The following BCL2L12 variants were observed in gnomAD, a reference collection of about 807,000 sequenced individuals.
BCL2L12 encodes the protein BCL2 like 12, also known as bcl-2-like protein 12.
A neutral mutation model predicts 25.7 loss-of-function variants in BCL2L12; 27 were observed. The observed-to-expected ratio is 1.05, with a 90% CI of 0.78 to 1.45. The LOEUF is 1.45. Ranked by LOEUF, BCL2L12 falls within the 40% of genes most tolerant of loss-of-function variation. The pLI, the probability that BCL2L12 is intolerant of heterozygous loss-of-function variation, is 0.00. For synonymous variants in BCL2L12, 132 were observed against 145.6 expected (o/e 0.91, Z 0.67); for missense variants, 302 against 329.8 (o/e 0.92, Z 0.65).
chr19:49,672,016 T>C lies in BCL2L12; in HGVS notation c.702+1528T>C, dbSNP rs1215227903. ...GACTTGTTTTACTTGTCTTCTGGTT[T>C]ATTTTTCTTTGTTGGTGTCTCCCAC... On this transcript the variant is annotated intron_variant, in intron 6 of 6. Coordinates refer to ENST00000246784, the MANE Select transcript of BCL2L12 (RefSeq NM_138639.2). This position sits in a 1 kb window ranked among gnomAD's most constrained non-coding sequence, Gnocchi z 4.1. 1 of 152,388 alleles carries C rather than the reference T, an allele frequency of 6.6e-6. No homozygotes were observed. The highest frequency in any genetic ancestry group is 2.4e-5 in the African/African-American group (1 of 41,466). The allele number at this position is 152,388 out of a possible 1,614,324, so 9.4% of individuals were successfully genotyped here.
Position 49,670,402 on chromosome 19 carries a change from G to T in BCL2L12, c.616G>T (p.Val206Leu). ...CCTAGCCATGGAGCTGAGCCGGCGCGTGGCCGGGCTGGGGGGCACCCTGGC... is the reference window on the plus strand; with the variant it reads ...CCTAGCCATGGAGCTGAGCCGGCGCTTGGCCGGGCTGGGGGGCACCCTGGC... ...LALAMELSRR[V>L]AGLGGTLAGL... The change falls in exon 6 of 7, where the codon GTG becomes TTG. Residue 206 changes from valine to leucine, a missense_variant. By Grantham distance (32) the Val-to-Leu change is conservative. Coordinates refer to ENST00000246784, the MANE Select transcript of BCL2L12 (RefSeq NM_138639.2). 6.5e-7 allele frequency: 1 copy of T among 1,549,736 alleles called. No homozygotes were observed.
rs370877632 is a variant in BCL2L12, at chr19:49,672,366, G to A, written c.703-1332G>A. 1.3e-3 allele frequency among the ~76,000 whole-genome samples: 202 copies of A among 152,318 alleles called. 5 individuals carry two copies. In the South Asian group the frequency reaches 0.038, roughly 29 times the overall value. ...CCAGTAGGGCTACAGTAGGGTGAGC[G>A]GGCGACAGATGAGAGGAGGAGAGGC... On this transcript the variant is annotated intron_variant, in intron 6 of 6. Coordinates refer to ENST00000246784, the MANE Select transcript of BCL2L12 (RefSeq NM_138639.2). The surrounding 1 kb of genome is among the most constrained non-coding windows in gnomAD (Gnocchi z 4.1).
upstream of BCL2L12, chr19:49,665,786 C>T: frequency 6.4e-7 from 1 of 1,560,700 alleles, no homozygotes; most frequent in East Asian, 2.3e-5. Flanking sequence ...GAAATAAAAC[C>T]AACTTTATCA....
At chr19:49,665,682 G>C (rs1039602141), upstream of BCL2L12, 8 of 1,182,948 alleles carry the variant, frequency 6.8e-6, no homozygotes, top group South Asian at 1.5e-5. Context: ...CCCTGTCTTG[G>C]AGCTCCGGGT....
chr19:49,666,985 T>C, intron 2 of BCL2L12, 34 bp from the exon 3 acceptor site: 1 of 1,606,794 alleles, frequency 6.2e-7, no homozygotes, highest in Non-Finnish European at 8.5e-7. Flanking sequence ...AGGGGATCTC[T>C]GGTGGGGTCA....
intron 6 of BCL2L12, among the ~76,000 whole-genome samples, chr19:49,671,861 C>A (rs1477071140): frequency 6.6e-6 from 1 of 152,198 alleles, no homozygotes; most frequent in Non-Finnish European, 1.5e-5. Flanking sequence ...GGTTTCACCC[C>A]CAACGAGGCC....
At position 49,666,991 on chromosome 19, in the gene BCL2L12, GGTCA is replaced by G. The variant is rs1400941365; in HGVS notation, c.108-24_108-21del. 1.9e-6 allele frequency: 3 copies of G among 1,609,196 alleles called. No individual in the cohort carries two copies. In the African/African-American group the frequency reaches 4.0e-5, roughly 22 times the overall value. On this transcript the variant is annotated intron_variant, in intron 2 of 6. Transcript: ENST00000246784. ...ACTGCTTGCAGGGGATCTCTGGTGG[GGTCA>G]GTCTCTGAAGTCCTCCTCTCCAGAA...
At chr19:49,671,809 G>A (rs945374746) in intron 6 of BCL2L12, among the ~76,000 whole-genome samples, 2 of 152,068 alleles carry the variant, frequency 1.3e-5, no homozygotes, top group Non-Finnish European at 2.9e-5. Context: ...ATGCCCTCCC[G>A]GGGAACCCCC....
At chr19:49,670,684 G>C (rs1316912525) in intron 6 of BCL2L12, among the ~76,000 whole-genome samples, 196 bp downstream of exon 6, 1 of 152,204 alleles carries the variant, frequency 6.6e-6, no homozygotes, top group African/African-American at 2.4e-5. Flanking sequence ...TCAACGACTG[G>C]GTACGCTAAT....
intron 2 of BCL2L12, 48 bp downstream of exon 2, chr19:49,666,847 C>T: frequency 6.5e-7 from 1 of 1,528,996 alleles, no homozygotes; most frequent in Non-Finnish European, 8.9e-7. Flanking sequence ...TTGAGGCTCC[C>T]TCCTAACTCT....
intron 3 of BCL2L12, among the ~76,000 whole-genome samples, chr19:49,668,400 C>T (rs1255284631): frequency 6.6e-6 from 1 of 152,076 alleles, no homozygotes; most frequent in Non-Finnish European, 1.5e-5. Flanking sequence ...CGCCTGGCCC[C>T]AGCTCTGACA....
At position 49,671,527 on chromosome 19, in the gene BCL2L12, C is replaced by T. The variant is rs117508307; in HGVS notation, c.702+1039C>T. 1.0e-3 allele frequency among the ~76,000 whole-genome samples: 157 copies of T among 152,202 alleles called. 5 individuals carry two copies. In the East Asian group the frequency reaches 0.03, roughly 29 times the overall value. On this transcript the variant is annotated intron_variant, in intron 6 of 6. Coordinates refer to ENST00000246784, the MANE Select transcript of BCL2L12 (RefSeq NM_138639.2). Reference sequence around the variant, plus strand: ...GCTCACACGTTTACTCCCAGCTACTCAGGAGGCAGAGGAGCCGGGAGGATC... The same window carrying T: ...GCTCACACGTTTACTCCCAGCTACTTAGGAGGCAGAGGAGCCGGGAGGATC...
At position 49,667,056 on chromosome 19, in the gene BCL2L12, C is replaced by T. The variant is rs147519290; in HGVS notation, c.145C>T (p.Arg49Cys). 2.6e-4 allele frequency: 415 copies of T among 1,613,622 alleles called. No individual in the cohort carries two copies. The African/African-American group carries it at 4.1e-3, about 16-fold the overall frequency. The change falls in exon 3 of 7, where the codon CGC becomes TGC. Residue 49 changes from arginine (R) to cysteine (C), a missense_variant. By Grantham distance (180) the Arg-to-Cys change is radical. Coordinates refer to ENST00000246784, the MANE Select transcript of BCL2L12 (RefSeq NM_138639.2). ...AQEEPTDFLS[R>C]LRRCLPCSLG... Reference sequence around the variant, plus strand: ...AGAAGAGCCAACAGACTTCCTGAGCCGCCTTCGAAGATGTCTTCCCTGCTC... The same window carrying T: ...AGAAGAGCCAACAGACTTCCTGAGCTGCCTTCGAAGATGTCTTCCCTGCTC...
chr19:49,668,335 G>C (rs1461659069), intron 3 of BCL2L12, among the ~76,000 whole-genome samples: 17 of 151,894 alleles, frequency 1.1e-4, no homozygotes, highest in Admixed American at 9.2e-4. Flanking sequence ...CCAACCTCAG[G>C]TGATCTGCCT....
chr19:49,666,601 C>T, intron 1 of BCL2L12, 84 bp from the exon 2 acceptor site: 1 of 1,062,830 alleles, frequency 9.4e-7, no homozygotes, highest in Non-Finnish European at 1.4e-6. Flanking sequence ...TCAGCACCTT[C>T]CTTGGGACTC....
At chr19:49,665,695 C>A, upstream of BCL2L12, 1 of 1,286,992 alleles carries the variant, frequency 7.8e-7, no homozygotes, top group Non-Finnish European at 1.1e-6. Flanking sequence ...CTCCGGGTAG[C>A]TCTCAAACTC....
intron 5 of BCL2L12, among the ~76,000 whole-genome samples, chr19:49,669,525 G>C (rs1371734920): frequency 6.7e-6 from 1 of 148,714 alleles, no homozygotes; most frequent in African/African-American, 2.5e-5. Flanking sequence ...GACAGAGTGA[G>C]ACTCTGTCTT....
intron 5 of BCL2L12, among the ~76,000 whole-genome samples, chr19:49,669,465 G>A (rs1231806331): frequency 4.0e-5 from 6 of 151,816 alleles, no homozygotes; most frequent in Admixed American, 1.3e-4. Context: ...GAGCCCAGGA[G>A]GTGGAGGTTG....
intron 2 of BCL2L12, 52 bp from the exon 3 acceptor site, chr19:49,666,967 C>A (rs908541378): frequency 4.4e-6 from 7 of 1,590,504 alleles, no homozygotes; most frequent in Non-Finnish European, 5.1e-6. Context: ...GGGAAAGAGA[C>A]TGCTTGCAGG....
Sources: gnomAD v4.1 joint callset for allele counts (sites outside exome capture counted in the v4.1 genomes callset) on GRCh38, gnomAD v4.1.1 for gene constraint, Gnocchi (gnomAD v3.1) non-coding constraint, MANE v1.5 for transcripts, NCBI Gene and HGNC (gene_info 2026-07-23, HGNC 2026-07-21) for gene names.